Variants in NRG3 observed in about 807,000 individuals in gnomAD.
The protein encoded by NRG3 is neuregulin 3.
Under a neutral mutation model 66.9 loss-of-function variants are expected in NRG3, and 31 were observed. The ratio of observed to expected loss-of-function variants is 0.46; its 90% CI spans 0.35 to 0.63. NRG3 has a LOEUF of 0.63. Ranked by LOEUF, NRG3 falls within the 20% of genes least tolerant of loss-of-function variation. NRG3 has a pLI of 0.00. For synonymous variants in NRG3, 393 were observed against 359.4 expected (o/e 1.09, Z -1.06); for missense variants, 910 against 878.9 (o/e 1.04, Z -0.45).
intron 2 of NRG3, among the ~76,000 whole-genome samples, chr10:82,639,723 G>A (rs2050435097): frequency 6.6e-6 from 1 of 151,802 alleles, no homozygotes; most frequent in South Asian, 2.1e-4. Flanking sequence ...AGATTTTCTT[G>A]GCTGTAAGAA....
chr10:82,285,562 G>A (rs2079373116), intron 1 of NRG3, among the ~76,000 whole-genome samples: 1 of 152,156 alleles, frequency 6.6e-6, no homozygotes, highest in South Asian at 2.1e-4. Context: ...GAAGGGATAG[G>A]TATTATTTAA....
In NRG3 at chr10:82,608,872, A is replaced by T. The variant is rs556521399; in HGVS notation, c.954-129705A>T. ...TAGAAGCACCAACATATTTTTCTTTAAAAAAAATGTATCACCCCTCCCCCT... is the reference window on the plus strand; with the variant it reads ...TAGAAGCACCAACATATTTTTCTTTTAAAAAAATGTATCACCCCTCCCCCT... On this transcript the variant is annotated intron_variant, in intron 2 of 8. Coordinates refer to ENST00000372141, the MANE Select transcript of NRG3 (RefSeq NM_001010848.4). 2.5e-3 allele frequency among the ~76,000 whole-genome samples: 378 copies of T among 151,896 alleles called. 4 individuals carry two copies. The highest frequency in any genetic ancestry group is 0.021 in the South Asian group (99 of 4,802).
At chr10:82,329,239 T>C (rs1273010063) in intron 1 of NRG3, among the ~76,000 whole-genome samples, 1 of 152,050 alleles carries the variant, frequency 6.6e-6, no homozygotes, top group Non-Finnish European at 1.5e-5. Context: ...TAAAAAAGAA[T>C]TATTTCTATA....
intron 2 of NRG3, among the ~76,000 whole-genome samples, chr10:82,424,032 A>G (rs2089256632): frequency 6.6e-6 from 1 of 152,042 alleles, no homozygotes; most frequent in Non-Finnish European, 1.5e-5. Context: ...TTCTTTATTC[A>G]TTCATCAGCT....
At chr10:82,794,740 A>G (rs1476937985) in intron 3 of NRG3, among the ~76,000 whole-genome samples, 3 of 152,106 alleles carry the variant, frequency 2.0e-5, no homozygotes, top group Admixed American at 6.6e-5. Flanking sequence ...TTAGAGATGA[A>G]TTTTAAATAC....
At chr10:82,151,648 G>T (rs1305989228) in intron 1 of NRG3, among the ~76,000 whole-genome samples, 1 of 152,098 alleles carries the variant, frequency 6.6e-6, no homozygotes, top group Non-Finnish European at 1.5e-5. Context: ...ATCTAATAAA[G>T]CTTTATTCTC....
intron 1 of NRG3, among the ~76,000 whole-genome samples, chr10:81,897,079 G>T (rs1214834850): frequency 6.6e-6 from 1 of 152,124 alleles, no homozygotes; most frequent in Non-Finnish European, 1.5e-5. Flanking sequence ...CAAATTAGAA[G>T]AAGCCAGAAA....
chr10:82,765,863 G>C (rs1430580659), intron 3 of NRG3, among the ~76,000 whole-genome samples: 1 of 152,122 alleles, frequency 6.6e-6, no homozygotes, highest in Non-Finnish European at 1.5e-5. Context: ...ATTTTGAAAT[G>C]TCAGCTCTTA....
intron 2 of NRG3, among the ~76,000 whole-genome samples, chr10:82,438,742 G>C (rs754213031): frequency 6.6e-6 from 1 of 152,104 alleles, no homozygotes; most frequent in African/African-American, 2.4e-5. Flanking sequence ...TGAGTAGCAC[G>C]CTCACTCACC....
At chr10:81,986,783 A>G (rs1343838185) in intron 1 of NRG3, among the ~76,000 whole-genome samples, 2 of 152,098 alleles carry the variant, frequency 1.3e-5, no homozygotes, top group Non-Finnish European at 1.5e-5. Context: ...CTACTGGGCT[A>G]AAGTGATCCT....
intron 2 of NRG3, among the ~76,000 whole-genome samples, chr10:82,647,466 C>T (rs1214063536): frequency 2.0e-5 from 3 of 152,256 alleles, no homozygotes; most frequent in Admixed American, 1.3e-4. Flanking sequence ...AATAAACATA[C>T]GTGTGCATGT....
At chr10:82,225,431 C>T (rs906653746) in intron 1 of NRG3, 1 of 152,086 alleles carries the variant, frequency 6.6e-6, no homozygotes, top group African/African-American at 2.4e-5. Context: ...CTTCTTTCTT[C>T]CAGGTAAAAG....
intron 2 of NRG3, among the ~76,000 whole-genome samples, chr10:82,636,239 G>T (rs3040197): frequency 1.3e-5 from 2 of 148,202 alleles, no homozygotes; most frequent in African/African-American, 2.5e-5. Context: ...GTGTGTGTGT[G>T]TCTGTGTGTG....
chr10:82,508,259 T>G (rs1392790586), intron 2 of NRG3, among the ~76,000 whole-genome samples: 1 of 152,216 alleles, frequency 6.6e-6, no homozygotes, highest in Non-Finnish European at 1.5e-5. Context: ...GAAACTCAGA[T>G]TGGCCATTGT....
intron 1 of NRG3, among the ~76,000 whole-genome samples, chr10:82,056,808 A>T (rs2063867648): frequency 6.6e-6 from 1 of 152,128 alleles, no homozygotes; most frequent in African/African-American, 2.4e-5. Context: ...ATATTGTTCC[A>T]TTGCTTTCTG....
intron 2 of NRG3, among the ~76,000 whole-genome samples, chr10:82,576,125 T>G (rs1225480905): frequency 2.0e-5 from 3 of 151,774 alleles, no homozygotes; most frequent in Non-Finnish European, 4.4e-5. Context: ...GAGGAGAAAC[T>G]ATGAATCAAT....
At chr10:82,166,856 C>T (rs1177472985) in intron 1 of NRG3, 1 of 652,146 alleles carries the variant, frequency 1.5e-6, no homozygotes, top group Admixed American at 2.2e-5. Flanking sequence ...TATTTATCTT[C>T]ATTACTGAAA....
At chr10:82,589,236 A>G (rs2133290229) in intron 2 of NRG3, among the ~76,000 whole-genome samples, 1 of 152,154 alleles carries the variant, frequency 6.6e-6, no homozygotes, top group East Asian at 1.9e-4. Context: ...CGAAAGCACA[A>G]CCCAAGGCAT....
At chr10:82,153,842 G>A (rs1372891973) in intron 1 of NRG3, among the ~76,000 whole-genome samples, 1 of 151,718 alleles carries the variant, frequency 6.6e-6, no homozygotes, top group African/African-American at 2.4e-5. Context: ...TCATATATCT[G>A]TTGGCCATTT....
Sources: gnomAD v4.1 joint callset for allele counts (sites outside exome capture counted in the v4.1 genomes callset) on GRCh38, gnomAD v4.1.1 for gene constraint, MANE v1.5 for transcripts, NCBI Gene and HGNC (gene_info 2026-07-23, HGNC 2026-07-21) for gene names.